Variants in FRY observed in about 807,000 individuals in gnomAD.
FRY encodes the protein FRY microtubule binding protein.
FRY carries 128 observed loss-of-function variants against 348.4 expected under a neutral mutation model. That is an observed-to-expected ratio of 0.37 (90% CI 0.32 to 0.43). The LOEUF (loss-of-function observed/expected upper bound fraction) is 0.43. Among genes scored for constraint, FRY ranks in the 20% least tolerant of loss-of-function variants. The pLI, the probability that FRY is intolerant of heterozygous loss-of-function variation, is 1.00. For missense variants in FRY, 2,736 were observed against 3,695.2 expected (o/e 0.74, Z 6.73); for synonymous variants, 1,370 against 1,374.7 (o/e 1.00, Z 0.08).
rs532282839 is a variant in FRY at position 32,210,894 on chromosome 13, G to T, written c.4451G>T (p.Arg1484Leu). Residue 1484 changes from arginine to leucine, a missense_variant, in exon 34 of 61, where the codon CGT becomes CTT. Arg to Leu is a moderately radical substitution (Grantham distance 102). Coordinates refer to ENST00000542859, the MANE Select transcript of FRY (RefSeq NM_023037.3). The part of the protein sequence containing the change: ...YIKKVAIYLC[R>L]NNTIQTMEEL... ...AAAAAAGTGGCAATATACTTGTGCC[G>T]TAACAACACCATTCAAACCATGGAA... The T allele has an allele frequency of 1.9e-6, 3 of 1,613,864 alleles. No individual in the cohort carries two copies. Among genetic ancestry groups the T allele is most frequent in the Non-Finnish European group, 2.5e-6 (3 of 1,179,850 alleles).
At chr13:32,044,084 G>T (rs1185060863) in intron 1 of FRY, among the ~76,000 whole-genome samples, 4 of 151,992 alleles carry the variant, frequency 2.6e-5, no homozygotes, top group Non-Finnish European at 5.9e-5. Flanking sequence ...GAAAAAAAAG[G>T]AATATGTAGG....
chr13:32,271,560 C>A (rs982769246), intron 55 of FRY, among the ~76,000 whole-genome samples: 1 of 152,198 alleles, frequency 6.6e-6, no homozygotes, highest in South Asian at 2.1e-4. Context: ...GAGAGTTCTG[C>A]AGCCCTGCCT....
intron 1 of FRY, among the ~76,000 whole-genome samples, chr13:32,033,804 G>A (rs1392586017): frequency 6.6e-6 from 1 of 152,174 alleles, no homozygotes; most frequent in Non-Finnish European, 1.5e-5. Context: ...ATGTTTTTCA[G>A]TCCTTTCTTG....
At chr13:32,070,731 C>T (rs1302097466) in intron 1 of FRY, among the ~76,000 whole-genome samples, 2 of 152,148 alleles carry the variant, frequency 1.3e-5, no homozygotes, top group African/African-American at 4.8e-5. Context: ...TCCCATTTGT[C>T]TATTTTGGCT....
chr13:32,070,599 A>T lies in FRY; in HGVS notation c.71-8235A>T, dbSNP rs1874588016. On this transcript the variant is annotated intron_variant, in intron 1 of 60. Coordinates refer to ENST00000542859, the MANE Select transcript of FRY (RefSeq NM_023037.3). ...TTGTAAGTTTGTTTAAGTTCTTTGT[A>T]GATTCTGGATATTAGCCCTTTGTCA... Among the ~76,000 whole-genome samples, 5 of 147,810 alleles carry T rather than the reference A, an allele frequency of 3.4e-5. No individual in the cohort carries two copies. In the South Asian group the frequency reaches 1.1e-3, roughly 32 times the overall value.
chr13:32,236,358 A>G (rs2138451055), intron 43 of FRY, among the ~76,000 whole-genome samples, 186 bp downstream of exon 43: 1 of 152,250 alleles, frequency 6.6e-6, no homozygotes, highest in African/African-American at 2.4e-5. Flanking sequence ...ACACACACAC[A>G]CACACACACA....
intron 55 of FRY, among the ~76,000 whole-genome samples, chr13:32,269,503 C>T (rs1010170071): frequency 2.6e-5 from 4 of 152,128 alleles, no homozygotes; most frequent in Non-Finnish European, 5.9e-5. Context: ...CCAGCCTGGC[C>T]AACATGGTGA....
chr13:32,103,643 T>C (rs147773577), intron 3 of FRY, among the ~76,000 whole-genome samples: 3,519 of 152,114 alleles, frequency 0.023, 60 homozygotes, highest in Non-Finnish European at 0.033. Context: ...ACATGTACCC[T>C]AAAACTTAAA....
chr13:32,182,291 G>A (rs1882762422), intron 23 of FRY, among the ~76,000 whole-genome samples: 1 of 152,128 alleles, frequency 6.6e-6, no homozygotes. Context: ...GAGATAATCA[G>A]AACAAAGATA....
At chr13:32,104,573 C>G (rs1161494048) in intron 3 of FRY, among the ~76,000 whole-genome samples, 1 of 152,178 alleles carries the variant, frequency 6.6e-6, no homozygotes, top group Non-Finnish European at 1.5e-5. Context: ...ATCATTACAT[C>G]ATAAACTCAC....
At chr13:32,275,148 G>A in intron 56 of FRY, 157 bp downstream of exon 56, 1 of 643,830 alleles carries the variant, frequency 1.6e-6, no homozygotes, top group Non-Finnish European at 2.9e-6. Context: ...GGAGGCCGAG[G>A]TGGGCGGATC....
chr13:32,179,834 A>ACATGCTGC, intron 23 of FRY, 35 bp downstream of exon 23: 1 of 1,597,524 alleles, frequency 6.3e-7, no homozygotes, highest in East Asian at 2.2e-5. Context: ...CTAAATTCAT[A>ACATGCTGC]CATGCTGCTG....
At chr13:32,268,505 A>AAATATATATAT (rs1555273232) in intron 55 of FRY, among the ~76,000 whole-genome samples, 1 of 28,316 alleles carries the variant, frequency 3.5e-5, no homozygotes, top group Non-Finnish European at 8.2e-5. Context: ...AAAAAAAAAA[A>AAATATATATAT]ATATATATAT....
Position 32,186,295 on chromosome 13 carries a change from C to G in FRY, c.3355C>G (p.Leu1119Val). The change falls in exon 27 of 61, where the codon CTG becomes GTG. Residue 1119 changes from leucine (L) to valine (V), a missense_variant. Leu to Val is a conservative substitution (Grantham distance 32, BLOSUM62 1). Around this residue, in one of 9 missense-constraint regions of FRY, gnomAD observed 449 missense variants for 576.9 expected, o/e 0.78. Coordinates refer to ENST00000542859, the MANE Select transcript of FRY (RefSeq NM_023037.3). ...AAGATTTCTCTTCCCCCAGCAAAGT[C>G]TGAGGCACCACCTTTTCATCTTATT... is the stretch of plus-strand genomic sequence containing the variant. Reference protein sequence around the residue: ...HRRFLFPQQSLRHHLFILFSQ... With the variant: ...HRRFLFPQQSVRHHLFILFSQ... 6.2e-7 allele frequency: 1 copy of G among 1,613,686 alleles called. No homozygotes were observed. Among genetic ancestry groups the G allele is most frequent in the Non-Finnish European group, 8.5e-7 (1 of 1,179,598 alleles).
At chr13:32,160,292 G>A (rs1182437215) in intron 16 of FRY, among the ~76,000 whole-genome samples, 1 of 152,060 alleles carries the variant, frequency 6.6e-6, no homozygotes, top group Non-Finnish European at 1.5e-5. Flanking sequence ...CTATATTTAT[G>A]CTCAGAAGAC....
Position 32,124,293 on chromosome 13 carries a change from C to T in FRY, c.472C>T (p.Gln158Ter). 1 of 1,577,458 alleles carries T rather than the reference C, an allele frequency of 6.3e-7. No homozygotes were observed. The highest frequency in any genetic ancestry group is 8.7e-7 in the Non-Finnish European group (1 of 1,146,616). ...RTSNKSKSDE[Q>*]QRDYLMERRD... ...ATATTTTAAATTTTACAGCGATGAA[C>T]AACAGCGAGATTATTTAATGGAAAG... Residue 158 changes from glutamine to a stop codon, truncating the protein, a stop_gained, in exon 5 of 61, where the codon CAA becomes TAA. Transcript: ENST00000542859. LOFTEE classifies it high-confidence loss of function.
intron 28 of FRY, 93 bp from the exon 29 acceptor site, chr13:32,194,050 A>G: frequency 8.1e-7 from 1 of 1,234,810 alleles, no homozygotes; most frequent in Non-Finnish European, 1.2e-6. Context: ...CTTTCATTTT[A>G]CTCAGTTTAT....
chr13:32,079,689 T>C (rs184893582), intron 2 of FRY, among the ~76,000 whole-genome samples: 11 of 152,246 alleles, frequency 7.2e-5, no homozygotes, highest in Admixed American at 5.2e-4. Context: ...TTGATTGCTC[T>C]AATAGGACTC....
chr13:32,189,966 G>A (rs1404497017), intron 28 of FRY, among the ~76,000 whole-genome samples: 1 of 151,584 alleles, frequency 6.6e-6, no homozygotes, highest in Admixed American at 6.6e-5. Flanking sequence ...TGGTCAAATT[G>A]GGTTTATTGA....
Sources: gnomAD v4.1 joint callset for allele counts (sites outside exome capture counted in the v4.1 genomes callset) on GRCh38, gnomAD v4.1.1 for gene constraint, gnomAD v4.1.1 regional missense constraint, MANE v1.5 for transcripts, NCBI Gene and HGNC (gene_info 2026-07-23, HGNC 2026-07-21) for gene names.